PCP2: variants seen among roughly 807,000 people sequenced by gnomAD.
PCP2 encodes Purkinje cell protein 2 homolog.
PCP2 carries 21 observed loss-of-function variants against 18.3 expected under a neutral mutation model. The ratio of observed to expected loss-of-function variants is 1.14; its 90% CI spans 0.81 to 1.65. PCP2 has a LOEUF of 1.65. PCP2 is among the 40% of genes most tolerant of loss of function. The pLI, the probability that PCP2 is intolerant of heterozygous loss-of-function variation, is 0.00. For synonymous variants in PCP2, 85 were observed against 77.6 expected, an observed-to-expected ratio of 1.10 and a Z score of -0.50; for missense variants, 202 against 201.8, an observed-to-expected ratio of 1.00 and a Z score of 0.00.
Position 7,632,970 on chromosome 19 carries a change from C to T in PCP2, c.52-140G>A. On this transcript the variant is annotated intron_variant, in intron 1 of 3. Transcript: ENST00000311069. The surrounding 1 kb of genome is among the most constrained non-coding windows in gnomAD (Gnocchi z 5.2). ...GCTCTCACCATGGTCCCCGCCGATC[C>T]TCTCTGCAGAGCTGTTCTGAATGAG... The T allele has an allele frequency of 6.8e-7, 1 of 1,464,886 alleles. No individual in the cohort carries two copies. The highest frequency in any genetic ancestry group is 9.0e-7 in the Non-Finnish European group (1 of 1,111,204). 90.7% of individuals were successfully genotyped at this position (1,464,886 alleles called of 1,614,324 possible). A position where few individuals can be genotyped will look rare whatever the true frequency, so the allele number is the denominator to read the frequency against.
Position 7,632,997 on chromosome 19 carries a change from C to G in PCP2, c.52-167G>C, listed in dbSNP as rs901977333. ...CTCTGCAGAGCTGTTCTGAATGAGA[C>G]ATGAGTCTCCTTCCCAATCCCGGCC... On this transcript the variant is annotated intron_variant, in intron 1 of 3. Coordinates refer to ENST00000311069, the MANE Select transcript of PCP2 (RefSeq NM_174895.3). The surrounding 1 kb of genome is among the most constrained non-coding windows in gnomAD (Gnocchi z 5.2). The G allele has an allele frequency of 9.8e-6, 14 of 1,423,924 alleles. No homozygotes were observed. Among genetic ancestry groups the G allele is most frequent in the African/African-American group, 1.5e-5 (1 of 68,000 alleles). The allele number at this position is 1,423,924 out of a possible 1,614,324, so 88.2% of individuals were successfully genotyped here.
chr19:7,636,419 C>T (rs1200346675), upstream of PCP2: 1 of 152,162 alleles, frequency 6.6e-6, no homozygotes, highest in African/African-American at 2.4e-5. Context: ...ATGTGTGTAT[C>T]AGCATGTTAA....
chr19:7,635,795 C>T (rs1427986320), upstream of PCP2, among the ~76,000 whole-genome samples: 4 of 152,184 alleles, frequency 2.6e-5, no homozygotes, highest in Non-Finnish European at 4.4e-5. Flanking sequence ...CTCCTACCTA[C>T]GGTTGCCAAC....
upstream of PCP2, chr19:7,636,997 C>T (rs896107165): frequency 1.2e-5 from 10 of 853,992 alleles, no homozygotes; most frequent in Non-Finnish European, 1.5e-5. Context: ...GACTCAACTT[C>T]CTGGGCCTGG....
In PCP2 at chr19:7,632,740, C is replaced by G; in HGVS notation, c.142G>C (p.Gly48Arg). 1 of 1,563,766 alleles carries G rather than the reference C, an allele frequency of 6.4e-7. No individual in the cohort carries two copies. The highest frequency in any genetic ancestry group is 8.6e-7 in the Non-Finnish European group (1 of 1,159,686). ...MEGQRCSLQA[G>R]PGQTTKSQSD... ...CGGCTCTTGGTGGTCTGGCCCGGCC[C>G]GGCTTGCAGTGAACAGCGCTGTCCC... Residue 48 changes from glycine to arginine, a missense_variant, in exon 2 of 4, where the codon GGG becomes CGG. Physicochemically the swap from Gly to Arg is moderately radical, Grantham distance 125. Transcript: ENST00000311069. This position sits in a 1 kb window ranked among gnomAD's most constrained non-coding sequence, Gnocchi z 5.2.
At position 7,633,574 on chromosome 19, in the gene PCP2, T is replaced by TGGGG; in HGVS notation, c.-118_-117insCCCC. 2 of 928,476 alleles carry TGGGG rather than the reference T, an allele frequency of 2.2e-6. No homozygotes were observed. The highest frequency in any genetic ancestry group is 3.3e-6 in the Non-Finnish European group (2 of 599,132). The allele number at this position is 928,476 out of a possible 1,614,324, so 57.5% of individuals were successfully genotyped here. ...TTCCCCCCATCCCCAAATCCCCAGC[T>TGGGG]CATGCCCCATCTGCTCCCACCCAAG... On this transcript the variant is annotated 5_prime_UTR_variant, in exon 1 of 4. It removes the in-frame stop codon of an upstream open reading frame in the 5' UTR. Transcript: ENST00000311069.
upstream of PCP2, among the ~76,000 whole-genome samples, chr19:7,635,720 T>A (rs187394089): frequency 1.3e-5 from 2 of 148,670 alleles, no homozygotes; most frequent in African/African-American, 5.0e-5. Context: ...CAAACAAAAA[T>A]GGGGAGGAGG....
At position 7,632,528 on chromosome 19, in the gene PCP2, G is replaced by A. The variant is rs79635098; in HGVS notation, c.167-11C>T. Reference sequence around the variant, plus strand: ...GGGTGGGGTCGCTCTCTGCGTGGACGTTCACAGACTTGGGAGGACACAGCC... The same window carrying A: ...GGGTGGGGTCGCTCTCTGCGTGGACATTCACAGACTTGGGAGGACACAGCC... On this transcript the variant is annotated splice_polypyrimidine_tract_variant and intron_variant, in intron 2 of 3. Transcript: ENST00000311069. The surrounding 1 kb of genome is among the most constrained non-coding windows in gnomAD (Gnocchi z 5.2). 3.0e-3 allele frequency: 4,895 copies of A among 1,612,218 alleles called. 129 individuals carry two copies. In the East Asian group the frequency reaches 0.054, roughly 18 times the overall value.
In PCP2 at chr19:7,633,518, C is replaced by T. The variant is rs1036842862; in HGVS notation, c.-61G>A. On this transcript the variant is annotated 5_prime_UTR_variant, in exon 1 of 4. Transcript: ENST00000311069. ...GCCCCGGCCCAGTGCCAGAGAGGGC[C>T]TTTTAAACGTCCAGGACGTGGGGGT... 5.3e-6 allele frequency: 8 copies of T among 1,520,310 alleles called. No homozygotes were observed. Among genetic ancestry groups the T allele is most frequent in the Non-Finnish European group, 6.3e-6 (7 of 1,119,190 alleles). The allele number at this position is 1,520,310 out of a possible 1,614,324, so 94.2% of individuals were successfully genotyped here. A position where few individuals can be genotyped will look rare whatever the true frequency, so the allele number is the denominator to read the frequency against.
chr19:7,632,897 CA>C lies in PCP2; in HGVS notation c.52-68del. On this transcript the variant is annotated intron_variant, in intron 1 of 3. Coordinates refer to ENST00000311069, the MANE Select transcript of PCP2 (RefSeq NM_174895.3). The surrounding 1 kb of genome is among the most constrained non-coding windows in gnomAD (Gnocchi z 5.2). Reference sequence around the variant, plus strand: ...GGGGCCCCTCCCCAAACTTCCTAGCCAGCTTGCTCACACCCTGACCCCGGGG... The same window carrying C: ...GGGGCCCCTCCCCAAACTTCCTAGCCGCTTGCTCACACCCTGACCCCGGGG... The C allele has an allele frequency of 1.3e-6, 2 of 1,525,704 alleles. No homozygotes were observed. The highest frequency in any genetic ancestry group is 2.4e-5 in the South Asian group (2 of 82,846). 94.5% of individuals were successfully genotyped at this position (1,525,704 alleles called of 1,614,324 possible).
At position 7,632,395 on chromosome 19, in the gene PCP2, T is replaced by A. The variant is rs556684470; in HGVS notation, c.289A>T (p.Lys97Ter). 6.2e-6 allele frequency: 10 copies of A among 1,613,736 alleles called. No homozygotes were observed. In the African/African-American group the frequency reaches 9.3e-5, roughly 15 times the overall value. Residue 97 changes from lysine (K) to a stop codon, truncating the protein, a stop_gained and splice_region_variant, in exon 3 of 4, where the codon AAG becomes TAG. Coordinates refer to ENST00000311069, the MANE Select transcript of PCP2 (RefSeq NM_174895.3). LOFTEE classifies it high-confidence loss of function. The surrounding 1 kb of genome is among the most constrained non-coding windows in gnomAD (Gnocchi z 5.2). ...GACATCGCCAGAACATCACCTACCT[T>A]GGACCCCACGGGCTGGAAGCCGGGC... is the stretch of plus-strand genomic sequence containing the variant. ...SLPGFQPVGSKDGAQKRAGTL... is the reference protein window; with the variant it reads ...SLPGFQPVGS
In PCP2 at chr19:7,633,616, A is replaced by G; in HGVS notation, c.-159T>C. ...CCACCCAAGCTTAAGCCCCATAAAG[A>G]TCATCCAGATAATTGTTTGCCCACA... On this transcript the variant is annotated 5_prime_UTR_variant, in exon 1 of 4. Coordinates refer to ENST00000311069, the MANE Select transcript of PCP2 (RefSeq NM_174895.3). 1.5e-6 allele frequency: 1 copy of G among 683,434 alleles called. No homozygotes were observed. Among genetic ancestry groups the G allele is most frequent in the Middle Eastern group, 3.6e-4 (1 of 2,750 alleles). 42.3% of individuals were successfully genotyped at this position (683,434 alleles called of 1,614,324 possible).
Position 7,633,498 on chromosome 19 carries a change from G to A in PCP2, c.-41C>T, listed in dbSNP as rs72994436. Reference sequence around the variant, plus strand: ...TCACTTTTCTGCTGGCCTCTGCCCCGGCCCAGTGCCAGAGAGGGCCTTTTA... The same window carrying A: ...TCACTTTTCTGCTGGCCTCTGCCCCAGCCCAGTGCCAGAGAGGGCCTTTTA... On this transcript the variant is annotated 5_prime_UTR_variant, in exon 1 of 4. Transcript: ENST00000311069. 20,058 of 1,553,242 alleles carry A rather than the reference G, an allele frequency of 0.013. 155 individuals are homozygous for A. Among genetic ancestry groups the A allele is most frequent in the Non-Finnish European group, 0.015 (17,703 of 1,146,286 alleles).
chr19:7,636,089 T>G (rs931487812), upstream of PCP2, among the ~76,000 whole-genome samples: 1 of 152,164 alleles, frequency 6.6e-6, no homozygotes, highest in African/African-American at 2.4e-5. Context: ...TGGCACTTGT[T>G]GTCACATTAG....
chr19:7,633,333 C>A, intron 1 of PCP2, 74 bp downstream of exon 1: 1 of 1,299,434 alleles, frequency 7.7e-7, no homozygotes, highest in East Asian at 2.5e-5. Context: ...ATTAGGTGCC[C>A]TACAAACTAG....
rs560549545 is a variant in PCP2, at chr19:7,633,255, C to A, written c.51+152G>T. The A allele has an allele frequency of 8.7e-5, 75 of 861,942 alleles. 3 individuals carry two copies. In the South Asian group the frequency reaches 1.3e-3, roughly 15 times the overall value. 53.4% of individuals were successfully genotyped at this position (861,942 alleles called of 1,614,324 possible). ...CTGCCCTGGGGCCTGGCACTCAGACCCCCAAGCCCACCAGCCCCTTTCTAC... is the reference window on the plus strand; with the variant it reads ...CTGCCCTGGGGCCTGGCACTCAGACACCCAAGCCCACCAGCCCCTTTCTAC... On this transcript the variant is annotated intron_variant, in intron 1 of 3. Transcript: ENST00000311069.
chr19:7,632,959 C>T lies in PCP2; in HGVS notation c.52-129G>A, dbSNP rs1257809123. The T allele has an allele frequency of 1.4e-5, 21 of 1,470,462 alleles. No individual in the cohort carries two copies. Among genetic ancestry groups the T allele is most frequent in the Admixed American group, 2.4e-5 (1 of 42,426 alleles). 91.1% of individuals were successfully genotyped at this position (1,470,462 alleles called of 1,614,324 possible). ...CCACTTCCTCAGCTCTCACCATGGT[C>T]CCCGCCGATCCTCTCTGCAGAGCTG... On this transcript the variant is annotated intron_variant, in intron 1 of 3. Transcript: ENST00000311069. This position sits in a 1 kb window ranked among gnomAD's most constrained non-coding sequence, Gnocchi z 5.2.
chr19:7,632,367 C>A lies in PCP2; in HGVS notation c.291+26G>T. On this transcript the variant is annotated intron_variant, in intron 3 of 3. Transcript: ENST00000311069. The surrounding 1 kb of genome is among the most constrained non-coding windows in gnomAD (Gnocchi z 5.2). ...GAGAGCACTGCCTGGCGGGTTTCTCCTCGACATCGCCAGAACATCACCTAC... is the reference window on the plus strand; with the variant it reads ...GAGAGCACTGCCTGGCGGGTTTCTCATCGACATCGCCAGAACATCACCTAC... The A allele has an allele frequency of 6.2e-7, 1 of 1,612,856 alleles. No individual in the cohort carries two copies.
Position 7,632,376 on chromosome 19 carries a change from G to T in PCP2, c.291+17C>A. 4.3e-6 allele frequency: 7 copies of T among 1,613,352 alleles called. No homozygotes were observed. Among genetic ancestry groups the T allele is most frequent in the South Asian group, 1.1e-5 (1 of 91,066 alleles). ...GCCTGGCGGGTTTCTCCTCGACATCGCCAGAACATCACCTACCTTGGACCC... is the reference window on the plus strand; with the variant it reads ...GCCTGGCGGGTTTCTCCTCGACATCTCCAGAACATCACCTACCTTGGACCC... On this transcript the variant is annotated intron_variant, in intron 3 of 3. Transcript: ENST00000311069. The surrounding 1 kb of genome is among the most constrained non-coding windows in gnomAD (Gnocchi z 5.2).
Sources: gnomAD v4.1 joint callset for allele counts (sites outside exome capture counted in the v4.1 genomes callset) on GRCh38, gnomAD v4.1.1 for gene constraint, Gnocchi (gnomAD v3.1) non-coding constraint, MANE v1.5 for transcripts, NCBI Gene and HGNC (gene_info 2026-07-23, HGNC 2026-07-21) for gene names.